The following NEDD4 variants were observed in gnomAD, a reference collection of about 807,000 sequenced individuals.
NEDD4 encodes the protein NEDD4 E3 ubiquitin protein ligase, also known as E3 ubiquitin-protein ligase NEDD4.
A neutral mutation model predicts 144.9 loss-of-function variants in NEDD4; 99 were observed. That is an observed-to-expected ratio of 0.68 (90% CI 0.58 to 0.81). The LOEUF is 0.81. Ranked by LOEUF, NEDD4 falls within the 30% of genes least tolerant of loss-of-function variation. The probability of loss-of-function intolerance (pLI) is 0.00; values close to 1 mark genes in which losing one functional copy is unlikely to be tolerated. For synonymous variants in NEDD4, 318 were observed against 350.6 expected, an observed-to-expected ratio of 0.91 and a Z score of 1.04; for missense variants, 985 against 1,065.9, an observed-to-expected ratio of 0.92 and a Z score of 1.06.
At chr15:55,941,936 C>A (rs1360413800) in intron 4 of NEDD4, among the ~76,000 whole-genome samples, 2 of 152,056 alleles carry the variant, frequency 1.3e-5, no homozygotes, top group Admixed American at 6.6e-5. Flanking sequence ...AATATGTGGT[C>A]TATCTTGGTA....
chr15:55,947,753 C>A (rs1265662748), intron 4 of NEDD4, among the ~76,000 whole-genome samples: 1 of 152,086 alleles, frequency 6.6e-6, no homozygotes, highest in Non-Finnish European at 1.5e-5. Flanking sequence ...ATTCAACAGC[C>A]CTTCATGCTA....
chr15:55,880,372 A>G (rs1185946224), intron 5 of NEDD4, among the ~76,000 whole-genome samples: 2 of 152,174 alleles, frequency 1.3e-5, no homozygotes, highest in African/African-American at 2.4e-5. Context: ...AAGGCACATC[A>G]CCGTGACATT....
chr15:55,993,205 C>T (rs1420199852), intron 1 of NEDD4, among the ~76,000 whole-genome samples: 4 of 152,152 alleles, frequency 2.6e-5, no homozygotes, highest in Non-Finnish European at 4.4e-5. Context: ...TGATGTGGGT[C>T]CCCCGCCGAC....
At chr15:55,860,258 T>C (rs2034346449) in intron 11 of NEDD4, 149 bp downstream of exon 11, 3 of 748,264 alleles carry the variant, frequency 4.0e-6, no homozygotes, top group Non-Finnish European at 6.3e-6. Flanking sequence ...ATTTGAAAAA[T>C]GACCATGTTG....
chr15:55,870,998 TTTA>T (rs763055630), intron 7 of NEDD4, among the ~76,000 whole-genome samples: 1 of 152,140 alleles, frequency 6.6e-6, no homozygotes, highest in Non-Finnish European at 1.5e-5. Context: ...TCCTAATCCT[TTTA>T]TTCTGTCTTC....
chr15:55,971,526 G>A (rs2037608591), intron 1 of NEDD4, among the ~76,000 whole-genome samples: 1 of 151,688 alleles, frequency 6.6e-6, no homozygotes, highest in Non-Finnish European at 1.5e-5. Context: ...TCAGGAGGCT[G>A]AGGCAGGAGA....
At chr15:55,942,646 A>G (rs1328477236) in intron 4 of NEDD4, among the ~76,000 whole-genome samples, 2 of 152,192 alleles carry the variant, frequency 1.3e-5, no homozygotes, top group Non-Finnish European at 2.9e-5. Context: ...CTGTGAGTCA[A>G]TTACAGCCGT....
intron 4 of NEDD4, 57 bp from the exon 5 acceptor site, chr15:55,924,756 A>C: frequency 6.6e-7 from 1 of 1,511,308 alleles, no homozygotes. Flanking sequence ...ACAGATACTC[A>C]GAAATAAATG....
At chr15:55,949,272 A>G (rs1431744422) in intron 4 of NEDD4, among the ~76,000 whole-genome samples, 1 of 152,206 alleles carries the variant, frequency 6.6e-6, no homozygotes, top group Non-Finnish European at 1.5e-5. Context: ...CACCAGTTAG[A>G]ATGGCGAACA....
chr15:55,942,294 T>C (rs2037022092), intron 4 of NEDD4, among the ~76,000 whole-genome samples: 1 of 152,198 alleles, frequency 6.6e-6, no homozygotes, highest in Non-Finnish European at 1.5e-5. Context: ...CTAATGTTAA[T>C]ACAACCATTA....
chr15:55,950,298 G>A (rs1459145967), intron 4 of NEDD4, among the ~76,000 whole-genome samples: 1 of 152,188 alleles, frequency 6.6e-6, no homozygotes, highest in Non-Finnish European at 1.5e-5. Flanking sequence ...CAAAAAAACA[G>A]AAGCAACTTA....
rs770438914 is a variant in NEDD4 at position 55,852,447 on chromosome 15, T to C, written c.1123A>G (p.Thr375Ala). ...ACCTGTACAGTGGGCTTTGTCCAAG[T>C]AGTCGTTCTGGAATTGTGATCTACA... ...YYVDHNSRTT[T>A]WTKPTVQATV... Residue 375 changes from threonine to alanine, a missense_variant, in exon 13 of 29, where the codon ACT becomes GCT. Coordinates refer to ENST00000435532, the MANE Select transcript of NEDD4 (RefSeq NM_006154.4). 2.5e-6 allele frequency: 4 copies of C among 1,612,446 alleles called. No homozygotes were observed. Among genetic ancestry groups the C allele is most frequent in the Non-Finnish European group, 2.5e-6 (3 of 1,179,162 alleles).
intron 1 of NEDD4, among the ~76,000 whole-genome samples, chr15:55,975,544 A>G (rs2037684793): frequency 6.6e-6 from 1 of 152,172 alleles, no homozygotes; most frequent in African/African-American, 2.4e-5. Context: ...TACAAATAAA[A>G]TTAAACAACT....
At chr15:55,859,735 A>G (rs138845499) in intron 11 of NEDD4, among the ~76,000 whole-genome samples, 19 of 152,288 alleles carry the variant, frequency 1.2e-4, no homozygotes, top group African/African-American at 3.6e-4. Flanking sequence ...CAACTTCAGC[A>G]TAACTGGGAG....
chr15:55,947,703 T>C (rs1370130264), intron 4 of NEDD4, among the ~76,000 whole-genome samples: 5 of 152,070 alleles, frequency 3.3e-5, no homozygotes, highest in African/African-American at 9.7e-5. Context: ...ACAAAAACCA[T>C]ATGATTATCT....
Position 55,848,816 on chromosome 15 carries a change from C to T in NEDD4, c.1418G>A (p.Gly473Glu), listed in dbSNP as rs1408700135. ...TTTCTATACACTTACAGGTAAAGGC[C>T]CTAGATCATTGGAAGTATCAAGTGA... ...KTSLDTSNDL[G>E]PLPPGWEERT... Residue 473 changes from glycine (G) to glutamate (E), a missense_variant, in exon 15 of 29, where the codon GGG becomes GAG. By Grantham distance (98) the Gly-to-Glu change is moderately conservative (BLOSUM62 -2). Transcript: ENST00000435532. 1 of 1,613,332 alleles carries T rather than the reference C, an allele frequency of 6.2e-7. No individual in the cohort carries two copies.
At chr15:55,961,645 T>C (rs533208889) in intron 2 of NEDD4, among the ~76,000 whole-genome samples, 5 of 152,162 alleles carry the variant, frequency 3.3e-5, no homozygotes, top group Admixed American at 2.6e-4. Context: ...TAATTTTTTG[T>C]ATTTTTAGTA....
intron 4 of NEDD4, chr15:55,934,566 C>T (rs1297753143): frequency 1.3e-5 from 2 of 151,884 alleles, no homozygotes; most frequent in South Asian, 4.2e-4. Flanking sequence ...TTATGTCTTT[C>T]CACTTTATTT....
chr15:55,852,407 G>T lies in NEDD4; in HGVS notation c.1146+17C>A, dbSNP rs2034019559. 6.3e-7 allele frequency: 1 copy of T among 1,597,824 alleles called. No homozygotes were observed. The highest frequency in any genetic ancestry group is 8.5e-7 in the Non-Finnish European group (1 of 1,171,102). On this transcript the variant is annotated intron_variant, in intron 13 of 28. Coordinates refer to ENST00000435532, the MANE Select transcript of NEDD4 (RefSeq NM_006154.4). ...TTTAAATCCTGTAAGAAAGCAAGTT[G>T]ATAGATTACAGGATACCTGTACAGT...
Sources: gnomAD v4.1 joint callset for allele counts (sites outside exome capture counted in the v4.1 genomes callset) on GRCh38, gnomAD v4.1.1 for gene constraint, MANE v1.5 for transcripts, NCBI Gene and HGNC (gene_info 2026-07-23, HGNC 2026-07-21) for gene names.